The following CSMD1 variants were observed in gnomAD, a reference collection of about 807,000 sequenced individuals.
CSMD1 encodes CUB and Sushi multiple domains 1.
In CSMD1, 213 loss-of-function variants were observed where a neutral mutation model predicts 417.5. The observed-to-expected ratio is 0.51, with a 90% confidence interval of 0.46 to 0.57. The LOEUF (loss-of-function observed/expected upper bound fraction) is 0.57, where lower values mean the gene tolerates loss of function less well. CSMD1 is among the 20% of genes least tolerant of loss of function. The pLI, the probability that CSMD1 is intolerant of heterozygous loss-of-function variation, is 0.00. For missense variants in CSMD1, 6,923 were observed against 4,529.7 expected (o/e 1.53, Z -15.17); for synonymous variants, 2,862 against 1,736.8 (o/e 1.65, Z -16.11).
chr8:3,384,925 CTAATA>C (rs1319597407), intron 18 of CSMD1, among the ~76,000 whole-genome samples: 6 of 112,866 alleles, frequency 5.3e-5, no homozygotes, highest in South Asian at 5.1e-4. Context: ...ATTACATATG[CTAATA>C]TAATATATAA....
At chr8:4,739,759 G>C (rs908445014) in intron 1 of CSMD1, among the ~76,000 whole-genome samples, 1 of 152,104 alleles carries the variant, frequency 6.6e-6, no homozygotes, top group African/African-American at 2.4e-5. Flanking sequence ...TTCCCACAAA[G>C]ATTCTCCAGT....
chr8:4,524,271 A>G (rs1177941266), intron 2 of CSMD1, among the ~76,000 whole-genome samples: 1 of 152,086 alleles, frequency 6.6e-6, no homozygotes, highest in Non-Finnish European at 1.5e-5. Context: ...AAAATGAAAT[A>G]CCCATCTAGT....
At chr8:4,239,837 C>G (rs1050933429) in intron 3 of CSMD1, among the ~76,000 whole-genome samples, 15 of 152,282 alleles carry the variant, frequency 9.9e-5, no homozygotes, top group Admixed American at 3.9e-4. Context: ...CTGAATGTGT[C>G]TACACTATTT....
At chr8:4,942,331 A>G (rs902564652) in intron 1 of CSMD1, among the ~76,000 whole-genome samples, 1 of 152,106 alleles carries the variant, frequency 6.6e-6, no homozygotes, top group Admixed American at 6.5e-5. Flanking sequence ...TCTGACAGAT[A>G]GAATAACCCA....
chr8:4,614,632 C>T (rs139320881), intron 2 of CSMD1, among the ~76,000 whole-genome samples: 5 of 152,052 alleles, frequency 3.3e-5, no homozygotes, highest in Admixed American at 2.6e-4. Context: ...CACACGTACA[C>T]GTACACACAC....
At chr8:3,697,522 T>G (rs1800621222) in intron 7 of CSMD1, among the ~76,000 whole-genome samples, 1 of 152,210 alleles carries the variant, frequency 6.6e-6, no homozygotes, top group Non-Finnish European at 1.5e-5. Context: ...ATTGATTAGT[T>G]TTTAAAGTTT....
At chr8:3,733,734 G>T (rs981079178) in intron 6 of CSMD1, among the ~76,000 whole-genome samples, 1 of 152,156 alleles carries the variant, frequency 6.6e-6, no homozygotes, top group Non-Finnish European at 1.5e-5. Flanking sequence ...GGGTTGTGGT[G>T]TCTGTGTTCA....
At chr8:4,974,923 T>A (rs895431234) in intron 1 of CSMD1, among the ~76,000 whole-genome samples, 7 of 152,078 alleles carry the variant, frequency 4.6e-5, no homozygotes, top group African/African-American at 1.4e-4. Context: ...TATACTGGGG[T>A]TTAAAGAGAG....
intron 5 of CSMD1, among the ~76,000 whole-genome samples, chr8:3,768,259 G>T (rs61021784): frequency 6.6e-6 from 1 of 152,034 alleles, no homozygotes; most frequent in Non-Finnish European, 1.5e-5. Flanking sequence ...ACGTATTCCC[G>T]GGCCAAGTGA....
At chr8:4,434,707 C>T (rs1432175144) in intron 2 of CSMD1, among the ~76,000 whole-genome samples, 2 of 152,154 alleles carry the variant, frequency 1.3e-5, no homozygotes, top group Non-Finnish European at 2.9e-5. Context: ...CAAATGTTTT[C>T]ATGCCCCTGA....
chr8:3,701,231 C>T (rs770192247), intron 7 of CSMD1, among the ~76,000 whole-genome samples: 7 of 152,102 alleles, frequency 4.6e-5, no homozygotes, highest in Non-Finnish European at 8.8e-5. Flanking sequence ...GCCACGTAAT[C>T]CACCTCAGTC....
intron 3 of CSMD1, among the ~76,000 whole-genome samples, chr8:4,108,094 A>G (rs1801663885): frequency 6.6e-6 from 1 of 151,836 alleles, no homozygotes; most frequent in African/African-American, 2.4e-5. Flanking sequence ...ACAGAGAGAG[A>G]ACAAGAAAAA....
intron 5 of CSMD1, among the ~76,000 whole-genome samples, chr8:3,757,935 A>G (rs1003807579): frequency 6.6e-6 from 1 of 152,152 alleles, no homozygotes. Context: ...GCCTAGTGTA[A>G]TTCAGGTTTA....
intron 49 of CSMD1, among the ~76,000 whole-genome samples, chr8:3,085,674 C>T (rs554317931): frequency 6.6e-6 from 1 of 152,130 alleles, no homozygotes; most frequent in African/African-American, 2.4e-5. Flanking sequence ...TGTGGGGAGG[C>T]CATGGGAGAA....
At chr8:4,327,359 G>T (rs1182364501) in intron 3 of CSMD1, among the ~76,000 whole-genome samples, 1 of 152,116 alleles carries the variant, frequency 6.6e-6, no homozygotes, top group Non-Finnish European at 1.5e-5. Context: ...AGAGTTAAAA[G>T]AAAGGTTAAT....
chr8:3,637,341 G>T (rs1417497682), intron 7 of CSMD1, among the ~76,000 whole-genome samples: 5 of 152,120 alleles, frequency 3.3e-5, no homozygotes, highest in East Asian at 1.9e-4. Context: ...TCTGTAGAAT[G>T]TGGATTCTTA....
chr8:3,615,994 C>T (rs1442028703), intron 8 of CSMD1, among the ~76,000 whole-genome samples: 1 of 152,124 alleles, frequency 6.6e-6, no homozygotes, highest in African/African-American at 2.4e-5. Context: ...CACCATAATC[C>T]TAGTAAAATG....
At chr8:3,634,630 A>G (rs1045699567) in intron 7 of CSMD1, among the ~76,000 whole-genome samples, 1 of 152,084 alleles carries the variant, frequency 6.6e-6, no homozygotes, top group Non-Finnish European at 1.5e-5. Context: ...CTATCAAATT[A>G]CTTAACTCGA....
chr8:4,360,797 C>T (rs943561827), intron 3 of CSMD1, among the ~76,000 whole-genome samples: 2 of 151,980 alleles, frequency 1.3e-5, no homozygotes, highest in Non-Finnish European at 2.9e-5. Context: ...CCCGGCCCCT[C>T]GGGGTTCGTA....
Sources: gnomAD v4.1 joint callset for allele counts (sites outside exome capture counted in the v4.1 genomes callset) on GRCh38, gnomAD v4.1.1 for gene constraint, MANE v1.5 for transcripts, NCBI Gene and HGNC (gene_info 2026-07-23, HGNC 2026-07-21) for gene names.